The following LTBP1 variants were observed in gnomAD, a reference collection of about 807,000 sequenced individuals.
The protein encoded by LTBP1 is latent transforming growth factor beta binding protein 1.
LTBP1 carries 129 observed loss-of-function variants against 207.6 expected under a neutral mutation model. The observed-to-expected ratio is 0.62, with a 90% CI of 0.54 to 0.72. The LOEUF (loss-of-function observed/expected upper bound fraction) is 0.72. Among genes scored for constraint, LTBP1 ranks in the 30% least tolerant of loss-of-function variants. LTBP1 has a pLI of 0.00. For synonymous variants in LTBP1, 963 were observed against 833.7 expected (o/e 1.16, Z -2.67); for missense variants, 2,281 against 2,217.2 (o/e 1.03, Z -0.58).
intron 3 of LTBP1, among the ~76,000 whole-genome samples, chr2:33,099,847 A>AGCTG (rs1401705749): frequency 6.6e-6 from 1 of 152,148 alleles, no homozygotes; most frequent in African/African-American, 2.4e-5. Context: ...AAGAGGGAAA[A>AGCTG]TTGTGAACGA....
Position 32,947,465 on chromosome 2 carries a change from G to GC in LTBP1, c.146dup (p.Arg50AlafsTer105). The GC allele has an allele frequency of 1.4e-6, 2 of 1,444,002 alleles. No homozygotes were observed. The highest frequency in any genetic ancestry group is 1.8e-6 in the Non-Finnish European group (2 of 1,101,686). 89.4% of individuals were successfully genotyped at this position (1,444,002 alleles called of 1,614,324 possible). The stretch of plus-strand genomic sequence containing the variant: ...CAGCCGGCGCCTTGCCCCTGAGCGG[G>GC]CCCCCGCGTTCGCGGACATTCAACG... On this transcript the variant is annotated frameshift_variant, in exon 1 of 34. Transcript: ENST00000404816. LOFTEE classifies it high-confidence loss of function.
intron 3 of LTBP1, among the ~76,000 whole-genome samples, chr2:33,077,588 A>C (rs1002784975): frequency 6.6e-6 from 1 of 152,142 alleles, no homozygotes; most frequent in African/African-American, 2.4e-5. Flanking sequence ...ACAAGACAGC[A>C]CCAAGGGGAT....
chr2:33,249,547 T>TAAA (rs1299055271), intron 10 of LTBP1, among the ~76,000 whole-genome samples: 1 of 152,190 alleles, frequency 6.6e-6, no homozygotes, highest in East Asian at 1.9e-4. Flanking sequence ...GTAATTGAAT[T>TAAA]GCCATCACCA....
chr2:33,200,893 C>T (rs1183026138), intron 7 of LTBP1, among the ~76,000 whole-genome samples: 1 of 152,134 alleles, frequency 6.6e-6, no homozygotes, highest in Non-Finnish European at 1.5e-5. Flanking sequence ...TCATCACTGG[C>T]CATCAGAGAA....
chr2:33,390,235 G>A (rs2095303982), intron 32 of LTBP1, among the ~76,000 whole-genome samples: 1 of 152,148 alleles, frequency 6.6e-6, no homozygotes, highest in African/African-American at 2.4e-5. Flanking sequence ...TTTCATGGGG[G>A]AGGTGGGAGT....
At chr2:33,101,020 G>C (rs1163691798) in intron 3 of LTBP1, among the ~76,000 whole-genome samples, 1 of 152,200 alleles carries the variant, frequency 6.6e-6, no homozygotes, top group African/African-American at 2.4e-5. Flanking sequence ...ACATAAGTAT[G>C]TTTGAGACCC....
chr2:33,258,010 C>T (rs2092910111), intron 12 of LTBP1, among the ~76,000 whole-genome samples: 1 of 152,190 alleles, frequency 6.6e-6, no homozygotes, highest in South Asian at 2.1e-4. Flanking sequence ...TCCATTTACC[C>T]TCTGAGAAAC....
chr2:33,343,027 A>G (rs914494489), intron 25 of LTBP1, 64 bp downstream of exon 25: 2 of 1,535,210 alleles, frequency 1.3e-6, no homozygotes, highest in Admixed American at 2.0e-5. Context: ...ATCACAGTGA[A>G]CAACAGGAGC....
intron 2 of LTBP1, among the ~76,000 whole-genome samples, chr2:32,990,090 G>A (rs1572965635): frequency 1.3e-5 from 2 of 152,324 alleles, no homozygotes; most frequent in African/African-American, 4.8e-5. Flanking sequence ...GGGTGACAGA[G>A]CAAGACCCAG....
intron 1 of LTBP1, among the ~76,000 whole-genome samples, 166 bp downstream of exon 1, chr2:32,947,984 G>C (rs1676507207): frequency 1.3e-5 from 2 of 152,322 alleles, no homozygotes; most frequent in South Asian, 4.1e-4. Context: ...CGCGGGAAGA[G>C]GGGAGTGCGG....
At chr2:33,122,791 A>G (rs1325301405) in intron 4 of LTBP1, among the ~76,000 whole-genome samples, 2 of 151,918 alleles carry the variant, frequency 1.3e-5, no homozygotes, top group Non-Finnish European at 2.9e-5. Context: ...AGCCTCCATG[A>G]GGTTTGGCTT....
At chr2:33,374,548 A>G (rs75217095) in intron 31 of LTBP1, among the ~76,000 whole-genome samples, 7,045 of 152,320 alleles carry the variant, frequency 0.046, 169 homozygotes, top group Non-Finnish European at 0.053. Context: ...GAGAATATCT[A>G]TAAAACAGGC....
At chr2:33,220,427 C>T (rs1399218909) in intron 8 of LTBP1, among the ~76,000 whole-genome samples, 1 of 152,168 alleles carries the variant, frequency 6.6e-6, no homozygotes, top group Admixed American at 6.5e-5. Context: ...ACAGAAAGAC[C>T]TTTCATTGTT....
intron 7 of LTBP1, among the ~76,000 whole-genome samples, chr2:33,198,049 T>A (rs1208555574): frequency 6.6e-6 from 1 of 152,194 alleles, no homozygotes. Flanking sequence ...CAGATAAAGA[T>A]GATCAAATAA....
Position 33,397,133 on chromosome 2 carries a change from GT to G in LTBP1, c.4839del (p.Leu1614Ter). The G allele has an allele frequency of 6.2e-7, 1 of 1,613,224 alleles. No homozygotes were observed. Among genetic ancestry groups the G allele is most frequent in the Non-Finnish European group, 8.5e-7 (1 of 1,179,474 alleles). On this transcript the variant is annotated frameshift_variant and splice_region_variant, in exon 33 of 34. Coordinates refer to ENST00000404816, the MANE Select transcript of LTBP1 (RefSeq NM_206943.4). LOFTEE classifies it high-confidence loss of function. ...TTAGCTTCTGCCCTTTCCTTTCCAG[GT>G]TTTCTAAATAGCTTTGAGGAGTTAC... ...PEADPYFIQD[R>X]FLNSFEELQA... is the part of the protein sequence containing the mutation.
chr2:33,393,401 C>G (rs866724331), intron 32 of LTBP1, among the ~76,000 whole-genome samples: 2 of 151,740 alleles, frequency 1.3e-5, no homozygotes, highest in Admixed American at 6.6e-5. Flanking sequence ...ATTAACTCAT[C>G]ATTTACATTA....
intron 8 of LTBP1, among the ~76,000 whole-genome samples, chr2:33,220,755 A>G (rs1286801718): frequency 1.3e-5 from 2 of 152,196 alleles, no homozygotes; most frequent in African/African-American, 2.4e-5. Flanking sequence ...GACAAGACAG[A>G]CCTGAGGCCA....
chr2:33,088,485 T>C (rs1374784696), intron 3 of LTBP1, among the ~76,000 whole-genome samples: 1 of 152,064 alleles, frequency 6.6e-6, no homozygotes, highest in African/African-American at 2.4e-5. Context: ...AGTGTGTTCT[T>C]GGAGACAGAG....
At chr2:33,017,516 C>T (rs999027122) in intron 2 of LTBP1, among the ~76,000 whole-genome samples, 1 of 152,206 alleles carries the variant, frequency 6.6e-6, no homozygotes. Context: ...GTGAGAACCA[C>T]TGATGCTTGC....
Sources: gnomAD v4.1 joint callset for allele counts (sites outside exome capture counted in the v4.1 genomes callset) on GRCh38, gnomAD v4.1.1 for gene constraint, MANE v1.5 for transcripts, NCBI Gene and HGNC (gene_info 2026-07-23, HGNC 2026-07-21) for gene names.